Variants in ALK observed in about 807,000 individuals in gnomAD.
ALK encodes ALK receptor tyrosine kinase.
In ALK, 74 loss-of-function variants were observed where a neutral mutation model predicts 163.1. That is an observed-to-expected ratio of 0.45 (90% CI 0.38 to 0.55). The LOEUF is 0.55. Among genes scored for constraint, ALK ranks in the 20% least tolerant of loss-of-function variants. The probability of loss-of-function intolerance (pLI) is 0.00; values close to 1 mark genes in which losing one functional copy is unlikely to be tolerated. For synonymous variants in ALK, 960 were observed against 843.2 expected, an observed-to-expected ratio of 1.14 and a Z score of -2.40; for missense variants, 2,063 against 2,105.3, an observed-to-expected ratio of 0.98 and a Z score of 0.39.
At chr2:29,677,874 A>C (rs1283298079) in intron 3 of ALK, among the ~76,000 whole-genome samples, 1 of 152,070 alleles carries the variant, frequency 6.6e-6, no homozygotes, top group Admixed American at 6.6e-5. Context: ...TTTATTCTGC[A>C]AGTATTTGGT....
chr2:29,485,828 C>T (rs573198394), intron 4 of ALK, among the ~76,000 whole-genome samples: 6 of 152,268 alleles, frequency 3.9e-5, no homozygotes, highest in Admixed American at 3.3e-4. Context: ...GTTCCTAGGA[C>T]TGCAACTTGC....
At chr2:29,806,920 C>A (rs1179673665) in intron 1 of ALK, among the ~76,000 whole-genome samples, 3 of 152,190 alleles carry the variant, frequency 2.0e-5, no homozygotes, top group Non-Finnish European at 4.4e-5. Flanking sequence ...CTGTGTTAGA[C>A]AATTGTAAGG....
At chr2:29,356,614 T>G (rs1011636463) in intron 5 of ALK, among the ~76,000 whole-genome samples, 3 of 152,228 alleles carry the variant, frequency 2.0e-5, no homozygotes, top group African/African-American at 7.2e-5. Flanking sequence ...GTTGGCCCAA[T>G]TAATAAATAA....
intron 5 of ALK, among the ~76,000 whole-genome samples, chr2:29,338,813 TGG>T (rs1222641866): frequency 2.0e-4 from 30 of 152,086 alleles, no homozygotes; most frequent in African/African-American, 6.0e-4. Flanking sequence ...TGTCGTGAGG[TGG>T]GGTTTCCTTG....
At chr2:29,330,424 T>C (rs1246314451) in intron 5 of ALK, among the ~76,000 whole-genome samples, 1 of 152,192 alleles carries the variant, frequency 6.6e-6, no homozygotes, top group African/African-American at 2.4e-5. Flanking sequence ...GCTGCTTCCA[T>C]GCAACCTGCC....
At chr2:29,919,121 T>A (rs1667913569) in intron 1 of ALK, among the ~76,000 whole-genome samples, 1 of 152,090 alleles carries the variant, frequency 6.6e-6, no homozygotes, top group Admixed American at 6.6e-5. Flanking sequence ...AAAAATCTCA[T>A]TTTAGGAGTC....
chr2:29,727,968 A>T (rs1376443752), intron 1 of ALK, among the ~76,000 whole-genome samples: 1 of 152,202 alleles, frequency 6.6e-6, no homozygotes, highest in Non-Finnish European at 1.5e-5. Context: ...TCATCTCGTT[A>T]GTGAAAAAAA....
At chr2:29,233,776 A>C (rs527728733) in intron 13 of ALK, 80 bp from the exon 14 acceptor site, 3 of 1,588,388 alleles carry the variant, frequency 1.9e-6, no homozygotes, top group African/African-American at 2.7e-5. Context: ...TCTATGCTTA[A>C]AAACAGGATC....
intron 4 of ALK, among the ~76,000 whole-genome samples, chr2:29,454,281 A>G (rs775494849): frequency 2.6e-5 from 4 of 152,230 alleles, no homozygotes; most frequent in Non-Finnish European, 4.4e-5. Flanking sequence ...AAATTCAAGA[A>G]TGCTCAAGTC....
chr2:29,888,425 T>C (rs1044786239), intron 1 of ALK, among the ~76,000 whole-genome samples: 1 of 152,158 alleles, frequency 6.6e-6, no homozygotes, highest in African/African-American at 2.4e-5. Flanking sequence ...TCAGCTGTTA[T>C]AAATTATCAT....
At chr2:29,668,536 T>C (rs1229604113) in intron 3 of ALK, among the ~76,000 whole-genome samples, 1 of 152,154 alleles carries the variant, frequency 6.6e-6, no homozygotes, top group Non-Finnish European at 1.5e-5. Flanking sequence ...GCATGTTGTT[T>C]AATTTCTGTG....
chr2:29,208,076 G>C, intron 25 of ALK: 1 of 453,762 alleles, frequency 2.2e-6, no homozygotes, highest in Non-Finnish European at 4.4e-6. Flanking sequence ...AAATAGGTCA[G>C]TCTCTCTCTC....
At chr2:29,730,952 G>A (rs773743228) in intron 1 of ALK, among the ~76,000 whole-genome samples, 8 of 152,104 alleles carry the variant, frequency 5.3e-5, no homozygotes, top group Non-Finnish European at 4.4e-5. Flanking sequence ...CTTGCCCCAG[G>A]GACATGTCTA....
At chr2:29,352,025 T>A (rs1278256764) in intron 5 of ALK, among the ~76,000 whole-genome samples, 1 of 152,050 alleles carries the variant, frequency 6.6e-6, no homozygotes. Flanking sequence ...AGCTGCCCCG[T>A]CATAAGGAGT....
At chr2:29,874,138 A>C (rs545415347) in intron 1 of ALK, among the ~76,000 whole-genome samples, 1 of 152,288 alleles carries the variant, frequency 6.6e-6, no homozygotes, top group South Asian at 2.1e-4. Context: ...ACCATTGCTC[A>C]AGGATTTATG....
chr2:29,426,777 C>A (rs571390217), intron 4 of ALK, among the ~76,000 whole-genome samples: 98 of 152,056 alleles, frequency 6.4e-4, no homozygotes, highest in African/African-American at 2.3e-3. Context: ...CGGTGGCTCA[C>A]GCCTGTAATC....
At chr2:29,633,238 G>C (rs1389261865) in intron 3 of ALK, among the ~76,000 whole-genome samples, 1 of 152,120 alleles carries the variant, frequency 6.6e-6, no homozygotes. Flanking sequence ...AGTCATAACA[G>C]TGATCATGTC....
At chr2:29,197,259 T>G (rs1038941023) in intron 27 of ALK, among the ~76,000 whole-genome samples, 4 of 152,156 alleles carry the variant, frequency 2.6e-5, no homozygotes, top group African/African-American at 9.7e-5. Flanking sequence ...GGACTGGGCC[T>G]GGGACACACA....
chr2:29,202,206 C>A (rs1162933936), intron 26 of ALK, among the ~76,000 whole-genome samples: 1 of 152,182 alleles, frequency 6.6e-6, no homozygotes, highest in East Asian at 1.9e-4. Context: ...TCTGGAAAGC[C>A]TTTCTCTCAG....
Sources: allele counts gnomAD v4.1 joint callset (sites outside exome capture counted in the v4.1 genomes callset), GRCh38; gene constraint gnomAD v4.1.1; transcripts MANE v1.5; gene names NCBI Gene and HGNC (gene_info 2026-07-23, HGNC 2026-07-21).